The following TRAPPC8 variants were observed in gnomAD, a reference collection of about 807,000 sequenced individuals.
The protein encoded by TRAPPC8 is general sporulation gene 1 homolog.
In TRAPPC8, 54 loss-of-function variants were observed where a neutral mutation model predicts 174.3. The observed-to-expected ratio is 0.31, with a 90% CI of 0.25 to 0.39. The LOEUF (loss-of-function observed/expected upper bound fraction) is 0.39. Ranked by LOEUF, TRAPPC8 falls within the 10% of genes least tolerant of loss-of-function variation. The probability of loss-of-function intolerance (pLI) is 1.00; values close to 1 mark genes in which losing one functional copy is unlikely to be tolerated. For missense variants in TRAPPC8, 1,531 were observed against 1,699.1 expected (o/e 0.90, Z 1.74); for synonymous variants, 630 against 579.9 (o/e 1.09, Z -1.24).
chr18:31,836,770 T>C (rs2034907731), intron 27 of TRAPPC8, among the ~76,000 whole-genome samples: 1 of 147,402 alleles, frequency 6.8e-6, no homozygotes, highest in African/African-American at 2.5e-5. Context: ...TTTTTTTTTT[T>C]TTTTTTTTTG....
At chr18:31,908,064 T>C (rs1407377969) in intron 8 of TRAPPC8, among the ~76,000 whole-genome samples, 2 of 152,194 alleles carry the variant, frequency 1.3e-5, no homozygotes, top group African/African-American at 4.8e-5. Context: ...TCTAACTTCA[T>C]TGTTTTACAA....
intron 12 of TRAPPC8, among the ~76,000 whole-genome samples, chr18:31,878,280 C>T (rs1237765969): frequency 6.6e-6 from 1 of 152,100 alleles, no homozygotes; most frequent in Non-Finnish European, 1.5e-5. Context: ...ATCAGACTAA[C>T]AACAGACTTC....
intron 1 of TRAPPC8, among the ~76,000 whole-genome samples, chr18:31,934,789 C>A (rs1428721184): frequency 6.6e-6 from 1 of 151,092 alleles, no homozygotes; most frequent in Non-Finnish European, 1.5e-5. Flanking sequence ...ATCGCTTGAA[C>A]CCGGGAGGCA....
chr18:31,856,268 A>G (rs1035988698), intron 20 of TRAPPC8, among the ~76,000 whole-genome samples: 4 of 151,894 alleles, frequency 2.6e-5, no homozygotes, highest in Non-Finnish European at 4.4e-5. Context: ...ACCACACCCT[A>G]TAATTTTTGT....
In TRAPPC8 at chr18:31,942,698, G is replaced by C; in HGVS notation, c.67C>G (p.Leu23Val). 1 of 1,608,066 alleles carries C rather than the reference G, an allele frequency of 6.2e-7. No homozygotes were observed. Among genetic ancestry groups the C allele is most frequent in the Non-Finnish European group, 8.5e-7 (1 of 1,177,520 alleles). The change falls in exon 1 of 29, where the codon CTG becomes GTG. Residue 23 changes from leucine (L) to valine (V), a missense_variant. Transcript: ENST00000283351. ...AGCCGCTCGGCTTCGTCGCTGCACA[G>C]CGCAGCGACACAGGGGACGAAGGAG... ...PDSFVPCVAA[L>V]CSDEAERLTR...
rs78331460 is a variant in TRAPPC8 at position 31,889,304 on chromosome 18, C to T, written c.1728+1431G>A. Among the ~76,000 whole-genome samples the T allele has an allele frequency of 5.5e-3, 841 of 152,294 alleles. 5 individuals carry two copies. Among genetic ancestry groups the T allele is most frequent in the African/African-American group, 0.019 (800 of 41,550 alleles). On this transcript the variant is annotated intron_variant, in intron 12 of 28. Transcript: ENST00000283351. ...TAACTTGTTAGGTATTTCCTAGAAG[C>T]AATATGCTCTATAATCTGGGAAGGC...
intron 26 of TRAPPC8, among the ~76,000 whole-genome samples, chr18:31,842,430 A>G (rs898365048): frequency 3.9e-5 from 6 of 152,256 alleles, no homozygotes; most frequent in African/African-American, 1.4e-4. Context: ...GACAAGGGAT[A>G]TTAGTGAGGT....
chr18:31,933,300 CAAAAA>C (rs770309579), intron 1 of TRAPPC8, among the ~76,000 whole-genome samples: 7 of 91,602 alleles, frequency 7.6e-5, no homozygotes, highest in Non-Finnish European at 8.9e-5. Context: ...GACTCCGTCT[CAAAAA>C]AAAAAAAAAA....
At chr18:31,832,910 G>T (rs537352356) in intron 27 of TRAPPC8, among the ~76,000 whole-genome samples, 105 of 152,238 alleles carry the variant, frequency 6.9e-4, no homozygotes, top group Middle Eastern at 3.4e-3. Context: ...AATAGTAACC[G>T]TATAAGTTCA....
chr18:31,880,463 C>A (rs2035392446), intron 12 of TRAPPC8, among the ~76,000 whole-genome samples: 2 of 151,892 alleles, frequency 1.3e-5, no homozygotes, highest in Non-Finnish European at 2.9e-5. Context: ...ATGATAAAAG[C>A]TCTTAACAAA....
intron 20 of TRAPPC8, 132 bp from the exon 21 acceptor site, chr18:31,855,939 C>A: frequency 1.0e-6 from 1 of 1,003,564 alleles, no homozygotes; most frequent in South Asian, 1.8e-5. Flanking sequence ...CCATAGAATA[C>A]ATTAAGTAAA....
At chr18:31,904,804 C>T (rs571060376) in intron 9 of TRAPPC8, among the ~76,000 whole-genome samples, 1 of 152,104 alleles carries the variant, frequency 6.6e-6, no homozygotes, top group South Asian at 2.1e-4. Context: ...CTGAGGCAGG[C>T]AGATCCCTTG....
chr18:31,915,528 G>A (rs968517435), intron 4 of TRAPPC8, among the ~76,000 whole-genome samples: 4 of 150,430 alleles, frequency 2.7e-5, no homozygotes, highest in East Asian at 2.0e-4. Flanking sequence ...TTGGGAGGCC[G>A]AGGCGGGCAG....
At chr18:31,853,999 T>C (rs563634255) in intron 21 of TRAPPC8, 54 bp from the exon 22 acceptor site, 8 of 1,370,282 alleles carry the variant, frequency 5.8e-6, no homozygotes, top group South Asian at 2.5e-5. Context: ...TAAATCAGAA[T>C]GTTCCGATGA....
chr18:31,939,296 C>A (rs777367399), intron 1 of TRAPPC8: 2 of 152,080 alleles, frequency 1.3e-5, no homozygotes, highest in Non-Finnish European at 2.9e-5. Context: ...TTATATCTAT[C>A]CTTATAAACC....
At chr18:31,870,197 T>C in intron 16 of TRAPPC8, 175 bp downstream of exon 16, 2 of 479,274 alleles carry the variant, frequency 4.2e-6, no homozygotes, top group Non-Finnish European at 7.2e-6. Context: ...TTCTATTCCT[T>C]ATGTTTTTAT....
chr18:31,857,794 A>G lies in TRAPPC8; in HGVS notation c.2934T>C (p.Cys978=). The G allele has an allele frequency of 6.2e-7, 1 of 1,614,226 alleles. No individual in the cohort carries two copies. The change falls in exon 20 of 29, where the codon TGT becomes TGC. Residue 978 remains cysteine (C), a synonymous_variant. Coordinates refer to ENST00000283351, the MANE Select transcript of TRAPPC8 (RefSeq NM_014939.5). Reference sequence around the variant, plus strand: ...CTGTCACAACAGTCTTGTAAGCACTACAATTCTCAGAAGCTGAGGGACTTA... The same window carrying G: ...CTGTCACAACAGTCTTGTAAGCACTGCAATTCTCAGAAGCTGAGGGACTTA... ...TPLSPSASEN[C]SAYKTVVTDA... is the part of the protein sequence containing the mutation.
intron 4 of TRAPPC8, among the ~76,000 whole-genome samples, chr18:31,915,512 A>G (rs2037100412): frequency 6.7e-6 from 1 of 149,478 alleles, no homozygotes; most frequent in South Asian, 2.1e-4. Flanking sequence ...CTGTCATCCC[A>G]GCACCTTGGG....
At chr18:31,862,412 G>A (rs1446071713) in intron 19 of TRAPPC8, among the ~76,000 whole-genome samples, 1 of 151,878 alleles carries the variant, frequency 6.6e-6, no homozygotes, top group East Asian at 1.9e-4. Context: ...ATCAAACAGA[G>A]TAGACTGCAT....
Sources: allele counts gnomAD v4.1 joint callset (sites outside exome capture counted in the v4.1 genomes callset), GRCh38; gene constraint gnomAD v4.1.1; transcripts MANE v1.5; gene names NCBI Gene and HGNC (gene_info 2026-07-23, HGNC 2026-07-21).